Variants in COL17A1 observed in about 807,000 individuals in gnomAD.
The protein encoded by COL17A1 is collagen alpha-1(XVII) chain.
Under a neutral mutation model 218.4 loss-of-function variants are expected in COL17A1, and 181 were observed. The ratio of observed to expected loss-of-function variants is 0.83; its 90% CI spans 0.73 to 0.94. COL17A1 has a LOEUF of 0.94. Among genes scored for constraint, COL17A1 ranks in the 40% least tolerant of loss-of-function variants. The pLI is 0.00. For synonymous variants in COL17A1, 721 were observed against 731.0 expected (o/e 0.99, Z 0.22); for missense variants, 1,924 against 1,945.9 (o/e 0.99, Z 0.21).
chr10:104,054,918 T>A, intron 20 of COL17A1, 63 bp downstream of exon 20: 1 of 1,612,994 alleles, frequency 6.2e-7, no homozygotes, highest in Non-Finnish European at 8.5e-7. Context: ...TGACACTTGC[T>A]GATTGTTTGA....
intron 8 of COL17A1, 67 bp downstream of exon 8, chr10:104,071,965 C>T (rs1212940054): frequency 1.6e-5 from 26 of 1,610,372 alleles, no homozygotes; most frequent in Non-Finnish European, 2.1e-5. Context: ...TGCACACACA[C>T]ACACACACAC....
rs1387515623 is a variant in COL17A1 at position 104,035,597 on chromosome 10, G to T, written c.3419-34C>A. The T allele has an allele frequency of 2.6e-6, 4 of 1,546,734 alleles. No homozygotes were observed. The Admixed American group carries it at 6.9e-5, about 27-fold the overall frequency. On this transcript the variant is annotated intron_variant, in intron 48 of 55. Transcript: ENST00000648076. ...GTGATGGATTCAGATCAGGCAGGGGGAGGCAGATGGAAACACCTGTCAGAG... is the reference window on the plus strand; with the variant it reads ...GTGATGGATTCAGATCAGGCAGGGGTAGGCAGATGGAAACACCTGTCAGAG...
rs2086244754 is a variant in COL17A1, at chr10:104,034,086, T to C, written c.4015A>G (p.Thr1339Ala). ...EAAGDRGPYG[T>A]DIGPGGGYGA... ...TAGCCTCCGCCTGGGCCGATGTCAG[T>C]GCCATAGGGACCCCTGTCTCCTGCA... The change falls in exon 52 of 56, where the codon ACT (threonine) becomes GCT (alanine). Residue 1339 changes from threonine to alanine, a missense_variant. Transcript: ENST00000648076. 1.2e-6 allele frequency: 2 copies of C among 1,613,994 alleles called. No homozygotes were observed. Among genetic ancestry groups the C allele is most frequent in the Non-Finnish European group, 1.7e-6 (2 of 1,180,038 alleles).
rs772661916 is a variant in COL17A1, at chr10:104,060,295, A to T, written c.980-15T>A. 5 of 1,613,766 alleles carry T rather than the reference A, an allele frequency of 3.1e-6. No individual in the cohort carries two copies. Among genetic ancestry groups the T allele is most frequent in the Non-Finnish European group, 4.2e-6 (5 of 1,179,982 alleles). ...TGTGGTGCAGGCTGGGGAGAAAGAA[A>T]ATGGGTAAGAAGGAAGGACATGTGC... On this transcript the variant is annotated splice_polypyrimidine_tract_variant and intron_variant, in intron 13 of 55. Coordinates refer to ENST00000648076, the MANE Select transcript of COL17A1 (RefSeq NM_000494.4).
rs372244733 is a variant in COL17A1, at chr10:104,034,313, A to G, written c.3788T>C (p.Ile1263Thr). The part of the protein sequence containing the change: ...YLTSPDVRSF[I>T]VGPPGPPGPQ... ...CCCAGGAGGGCCTGGGGGGCCAACA[A>G]TGAAGCTGCGCACATCAGGACCTGC... is the stretch of plus-strand genomic sequence containing the variant. The change falls in exon 52 of 56, where the codon ATT becomes ACT. Residue 1263 changes from isoleucine (I) to threonine (T), a missense_variant. By Grantham distance (89) the Ile-to-Thr change is moderately conservative. Transcript: ENST00000648076. 37 of 1,566,644 alleles carry G rather than the reference A, an allele frequency of 2.4e-5. No individual in the cohort carries two copies. In the African/African-American group the frequency reaches 2.6e-4, roughly 11 times the overall value.
In COL17A1 at chr10:104,052,139, T is replaced by C; in HGVS notation, c.2002+16A>G. ...CCTCTGGAAAACTTTGATTCCTTCCTGCACACTGGACTTACCTTTGGGACC... is the reference window on the plus strand; with the variant it reads ...CCTCTGGAAAACTTTGATTCCTTCCCGCACACTGGACTTACCTTTGGGACC... On this transcript the variant is annotated intron_variant, in intron 24 of 55. Coordinates refer to ENST00000648076, the MANE Select transcript of COL17A1 (RefSeq NM_000494.4). 1 of 1,614,132 alleles carries C rather than the reference T, an allele frequency of 6.2e-7. No individual in the cohort carries two copies. Among genetic ancestry groups the C allele is most frequent in the South Asian group, 1.1e-5 (1 of 91,084 alleles).
intron 21 of COL17A1, 26 bp from the exon 22 acceptor site, chr10:104,054,008 C>T (rs2086495187): frequency 1.2e-6 from 2 of 1,611,900 alleles, no homozygotes; most frequent in Middle Eastern, 3.3e-4. Context: ...GATATCTCAG[C>T]CCCTGTTTTC....
At position 104,050,904 on chromosome 10, in the gene COL17A1, G is replaced by T. The variant is rs1196328459; in HGVS notation, c.2039-3C>A. ...GAGCCCTTGGAGACCTACAGGACCT[G>T]CCCGGCAGAAGAAACCATGCACACA... On this transcript the variant is annotated splice_region_variant and splice_polypyrimidine_tract_variant and intron_variant, in intron 25 of 55. Coordinates refer to ENST00000648076, the MANE Select transcript of COL17A1 (RefSeq NM_000494.4). 1.2e-6 allele frequency: 2 copies of T among 1,614,020 alleles called. No homozygotes were observed. Among genetic ancestry groups the T allele is most frequent in the Non-Finnish European group, 1.7e-6 (2 of 1,180,038 alleles).
At chr10:104,071,648 G>A (rs572300344) in intron 8 of COL17A1, among the ~76,000 whole-genome samples, 48 of 152,124 alleles carry the variant, frequency 3.2e-4, no homozygotes, top group Non-Finnish European at 5.7e-4. Context: ...CCTTTGAGCC[G>A]AACTGATCCA....
intron 35 of COL17A1, among the ~76,000 whole-genome samples, chr10:104,042,835 C>T (rs2086373642): frequency 6.6e-6 from 1 of 152,180 alleles, no homozygotes; most frequent in Non-Finnish European, 1.5e-5. Context: ...ACACATATAA[C>T]AAAATAACAG....
At chr10:104,056,545 G>A (rs868745371) in intron 17 of COL17A1, among the ~76,000 whole-genome samples, 51 of 151,626 alleles carry the variant, frequency 3.4e-4, no homozygotes, top group Middle Eastern at 6.8e-3. Context: ...TTGCACCACT[G>A]CACTCCAGCC....
At chr10:104,040,208 A>G in intron 40 of COL17A1, 143 bp downstream of exon 40, 1 of 907,250 alleles carries the variant, frequency 1.1e-6, no homozygotes, top group Non-Finnish European at 1.9e-6. Context: ...CCTTTGCTCC[A>G]GGCTGCTGAG....
chr10:104,046,871 A>G (rs1352275169), intron 31 of COL17A1, 98 bp from the exon 32 acceptor site: 3 of 1,121,634 alleles, frequency 2.7e-6, no homozygotes, highest in Non-Finnish European at 4.0e-6. Context: ...ACTGCAGTGG[A>G]GGGGTCAGTG....
intron 33 of COL17A1, among the ~76,000 whole-genome samples, 173 bp from the exon 34 acceptor site, chr10:104,044,033 A>T (rs534773614): frequency 6.6e-6 from 1 of 152,194 alleles, no homozygotes; most frequent in East Asian, 1.9e-4. Context: ...TTAAGCCCCA[A>T]TCTTTCAGCC....
At chr10:104,040,657 G>C (rs1379621652) in intron 39 of COL17A1, among the ~76,000 whole-genome samples, 1 of 152,050 alleles carries the variant, frequency 6.6e-6, no homozygotes, top group African/African-American at 2.4e-5. Flanking sequence ...TAAATGGATG[G>C]GTGGATGGAT....
Position 104,041,503 on chromosome 10 carries a change from C to T in COL17A1, c.2587G>A (p.Gly863Ser), listed in dbSNP as rs202107935. The T allele has an allele frequency of 1.4e-4, 221 of 1,613,564 alleles. No homozygotes were observed. Among genetic ancestry groups the T allele is most frequent in the Non-Finnish European group, 5.3e-5 (63 of 1,179,514 alleles). The stretch of plus-strand genomic sequence containing the variant: ...TACTCACCTGGTGGCCCGCGTGGGC[C>T]GGGTGGGCCTGGGGGACCTTGTAAA... ...LNLQGPPGPPGPRGPPGPSIP... is the reference protein window; with the variant it reads ...LNLQGPPGPPSPRGPPGPSIP... The change falls in exon 37 of 56, where the codon GGC becomes AGC. Residue 863 changes from glycine to serine, a missense_variant. By Grantham distance (56) the Gly-to-Ser change is moderately conservative. Coordinates refer to ENST00000648076, the MANE Select transcript of COL17A1 (RefSeq NM_000494.4).
intron 5 of COL17A1, among the ~76,000 whole-genome samples, chr10:104,075,903 G>A (rs892253243): frequency 1.3e-5 from 2 of 152,134 alleles, no homozygotes; most frequent in Non-Finnish European, 2.9e-5. Context: ...AATTTTCCCC[G>A]ATTTCCTCAG....
In COL17A1 at chr10:104,034,237, G is replaced by A; in HGVS notation, c.3864C>T (p.His1288=). ...GTGAGGAGGAGCTGCTACCCCGACT[G>A]TGGGAGGCATCCGTGGACAGGAGGC... ...DSRLLSTDAS[H]SRGSSSSSHS... is the part of the protein sequence containing the mutation. The change falls in exon 52 of 56, where the codon CAC becomes CAT. Residue 1288 remains histidine (H), a synonymous_variant. Transcript: ENST00000648076. The A allele has an allele frequency of 6.2e-7, 1 of 1,611,422 alleles. No individual in the cohort carries two copies. Among genetic ancestry groups the A allele is most frequent in the South Asian group, 1.1e-5 (1 of 90,732 alleles).
intron 36 of COL17A1, among the ~76,000 whole-genome samples, chr10:104,041,957 T>C (rs965868033): frequency 6.6e-6 from 1 of 152,166 alleles, no homozygotes; most frequent in African/African-American, 2.4e-5. Flanking sequence ...GGTGAAACAC[T>C]GAAGACCAAG....
Sources: allele counts gnomAD v4.1 joint callset (sites outside exome capture counted in the v4.1 genomes callset), GRCh38; gene constraint gnomAD v4.1.1; transcripts MANE v1.5; gene names NCBI Gene and HGNC (gene_info 2026-07-23, HGNC 2026-07-21).